Variants in SOX6 observed in about 807,000 individuals in gnomAD.
SOX6 encodes the protein SRY-box transcription factor 6, also known as transcription factor SOX-6.
A neutral mutation model predicts 97.8 loss-of-function variants in SOX6; 11 were observed. The ratio of observed to expected loss-of-function variants is 0.11; its 90% CI spans 0.07 to 0.19. The LOEUF is 0.19. Ranked by LOEUF, SOX6 falls within the 10% of genes least tolerant of loss-of-function variation. SOX6 has a pLI of 1.00. For missense variants in SOX6, 810 were observed against 1,039.5 expected (o/e 0.78, Z 3.04); for synonymous variants, 360 against 371.4 (o/e 0.97, Z 0.35).
intron 6 of SOX6, among the ~76,000 whole-genome samples, chr11:16,132,451 AG>A (rs756267057): frequency 5.2e-4 from 60 of 114,346 alleles, no homozygotes; most frequent in African/African-American, 1.6e-3. Flanking sequence ...GAAAAAAGAA[AG>A]AAAGAAAGAA....
At chr11:16,698,480 A>G (rs1848069853) in intron 3 of SOX6, among the ~76,000 whole-genome samples, 1 of 152,206 alleles carries the variant, frequency 6.6e-6, no homozygotes, top group Non-Finnish European at 1.5e-5. Flanking sequence ...TTTATCAGCA[A>G]TAAGGCTGTT....
chr11:16,243,657 C>A (rs1853257543), intron 3 of SOX6, among the ~76,000 whole-genome samples: 1 of 151,900 alleles, frequency 6.6e-6, no homozygotes. Flanking sequence ...ATCTTATGCT[C>A]CCTTTCCAGG....
At chr11:16,489,528 T>C (rs1413968718) in intron 4 of SOX6, among the ~76,000 whole-genome samples, 1 of 152,128 alleles carries the variant, frequency 6.6e-6, no homozygotes, top group East Asian at 1.9e-4. Context: ...TCAATAGAGT[T>C]ATCTAACTAT....
chr11:16,496,533 G>A (rs1037516809), intron 4 of SOX6, among the ~76,000 whole-genome samples: 5 of 152,242 alleles, frequency 3.3e-5, no homozygotes, highest in Non-Finnish European at 7.3e-5. Context: ...CGCCTCACCC[G>A]GGAAGTGCAA....
chr11:16,522,285 G>T (rs1163723204), intron 4 of SOX6, among the ~76,000 whole-genome samples: 1 of 152,060 alleles, frequency 6.6e-6, no homozygotes, highest in African/African-American at 2.4e-5. Context: ...GGATCTCTTG[G>T]CAGGAACTCT....
chr11:15,984,798 G>A (rs1853780618), intron 15 of SOX6, among the ~76,000 whole-genome samples: 1 of 152,120 alleles, frequency 6.6e-6, no homozygotes, highest in Non-Finnish European at 1.5e-5. Context: ...CATCTGGTGT[G>A]ATATAAAATA....
At chr11:16,375,849 G>A (rs1000183492) in intron 1 of SOX6, among the ~76,000 whole-genome samples, 3 of 152,086 alleles carry the variant, frequency 2.0e-5, no homozygotes, top group Admixed American at 6.6e-5. Flanking sequence ...ATACTATGCA[G>A]CCATAAAAAA....
At chr11:16,389,751 G>A (rs1488623627) in intron 1 of SOX6, among the ~76,000 whole-genome samples, 4 of 151,656 alleles carry the variant, frequency 2.6e-5, no homozygotes, top group South Asian at 2.1e-4. Context: ...GGCGGATCAC[G>A]AAGTCGGGGG....
intron 1 of SOX6, among the ~76,000 whole-genome samples, chr11:16,376,943 T>TA (rs367893497): frequency 6.1e-4 from 89 of 146,396 alleles, no homozygotes; most frequent in Non-Finnish European, 6.5e-4. Flanking sequence ...AAAAAGAAAA[T>TA]AAAAAAAAGA....
intron 13 of SOX6, among the ~76,000 whole-genome samples, chr11:16,010,125 TACACACAC>T (rs67556517): frequency 0.024 from 3,211 of 135,540 alleles, 68 homozygotes; most frequent in African/African-American, 0.061. Flanking sequence ...CAGTTGGAGC[TACACACAC>T]ACACACACAC....
At chr11:16,445,332 G>T (rs777895529) in intron 1 of SOX6, among the ~76,000 whole-genome samples, 1 of 151,938 alleles carries the variant, frequency 6.6e-6, no homozygotes, top group Admixed American at 6.6e-5. Flanking sequence ...CTTCATCTCC[G>T]GTCTCATCTG....
intron 1 of SOX6, among the ~76,000 whole-genome samples, chr11:16,388,875 C>T (rs937058789): frequency 2.0e-5 from 3 of 152,106 alleles, no homozygotes; most frequent in Non-Finnish European, 2.9e-5. Flanking sequence ...TTGGAGTTTG[C>T]TGAACTTCTT....
chr11:16,575,576 T>C (rs1210102075), intron 4 of SOX6, among the ~76,000 whole-genome samples: 1 of 152,218 alleles, frequency 6.6e-6, no homozygotes, highest in Non-Finnish European at 1.5e-5. Flanking sequence ...TAGGTCTTCA[T>C]GATAATGATA....
intron 1 of SOX6, among the ~76,000 whole-genome samples, chr11:16,363,668 G>T (rs1857267597): frequency 6.6e-6 from 1 of 151,952 alleles, no homozygotes; most frequent in South Asian, 2.1e-4. Context: ...TGACTACTTG[G>T]TTACTAAAAG....
chr11:16,023,504 A>G (rs1241423630), intron 12 of SOX6, among the ~76,000 whole-genome samples: 1 of 152,132 alleles, frequency 6.6e-6, no homozygotes, highest in Non-Finnish European at 1.5e-5. Context: ...GATAAATACA[A>G]AGGAAGGTGT....
At chr11:16,396,065 T>C (rs977498056) in intron 1 of SOX6, among the ~76,000 whole-genome samples, 5 of 151,746 alleles carry the variant, frequency 3.3e-5, no homozygotes, top group Admixed American at 2.0e-4. Flanking sequence ...TCCCCTCTTA[T>C]ACGTTTTGTT....
chr11:16,402,002 CCAA>C (rs1423828583), intron 1 of SOX6, among the ~76,000 whole-genome samples: 3 of 151,480 alleles, frequency 2.0e-5, no homozygotes, highest in African/African-American at 7.3e-5. Flanking sequence ...CACATCACCA[CCAA>C]CAACAACCCT....
intron 3 of SOX6, chr11:16,316,689 C>T (rs963825538): frequency 6.6e-6 from 1 of 152,060 alleles, no homozygotes; most frequent in Non-Finnish European, 1.5e-5. Flanking sequence ...ACATTAAAGA[C>T]TCCTCCAAAG....
chr11:16,351,304 GC>G (rs1856940422), intron 1 of SOX6, among the ~76,000 whole-genome samples: 1 of 152,034 alleles, frequency 6.6e-6, no homozygotes, highest in East Asian at 1.9e-4. Flanking sequence ...GCTTCTCAAT[GC>G]CAGCCAGTCA....
Sources: allele counts gnomAD v4.1 joint callset (sites outside exome capture counted in the v4.1 genomes callset), GRCh38; gene constraint gnomAD v4.1.1; transcripts MANE v1.5; gene names NCBI Gene and HGNC (gene_info 2026-07-23, HGNC 2026-07-21).